EVC: variants seen among roughly 807,000 people sequenced by gnomAD.
EVC encodes EvC ciliary complex subunit 1.
In EVC, 116 loss-of-function variants were observed where a neutral mutation model predicts 118.9. The ratio of observed to expected loss-of-function variants is 0.98; its 90% CI spans 0.84 to 1.14. The LOEUF (loss-of-function observed/expected upper bound fraction) is 1.14, where lower values mean the gene tolerates loss of function less well. EVC is among the 50% of genes most tolerant of loss of function. The pLI, the probability that EVC is intolerant of heterozygous loss-of-function variation, is 0.00. For synonymous variants in EVC, 619 were observed against 534.7 expected (o/e 1.16, Z -2.18); for missense variants, 1,401 against 1,246.4 (o/e 1.12, Z -1.87).
intron 3 of EVC, among the ~76,000 whole-genome samples, chr4:5,729,708 C>G (rs1466045200): frequency 6.6e-6 from 1 of 152,198 alleles, no homozygotes; most frequent in East Asian, 1.9e-4. Context: ...ATTCACAGAG[C>G]CCTGGACTAA....
At chr4:5,825,760 C>A in the EVC span, 2 of 1,236,040 alleles carry the variant, frequency 1.6e-6, no homozygotes, top group East Asian at 2.5e-5. This position sits in a 1 kb window ranked among gnomAD's most constrained non-coding sequence, Gnocchi z 4.4. Flanking sequence ...AACCTGAGGT[C>A]ACTTCAAATG....
chr4:5,725,544 G>A (rs1365921244), intron 2 of EVC, among the ~76,000 whole-genome samples: 1 of 152,160 alleles, frequency 6.6e-6, no homozygotes, highest in East Asian at 1.9e-4. Flanking sequence ...GTCTGTTCAT[G>A]TCCTTTGCCC....
Position 5,745,073 on chromosome 4 carries a change from C to G in EVC, c.802-131C>G, listed in dbSNP as rs1195062280. ...GTCAAACCTCATGTACAACAACCCC[C>G]AGAGCATTTAACTATTGTTTAAAAA... On this transcript the variant is annotated intron_variant, in intron 6 of 20. Transcript: ENST00000264956. The G allele has an allele frequency of 3.5e-6, 3 of 864,960 alleles. No homozygotes were observed. The African/African-American group carries it at 5.2e-5, about 15-fold the overall frequency. 53.6% of individuals were successfully genotyped at this position (864,960 alleles called of 1,614,324 possible). A position where few individuals can be genotyped will look rare whatever the true frequency, so the allele number is the denominator to read the frequency against.
rs1726774713 is a variant in EVC at position 5,731,312 on chromosome 4, C to T, written c.385-113C>T. On this transcript the variant is annotated intron_variant, in intron 3 of 20. Transcript: ENST00000264956. This position sits in a 1 kb window ranked among gnomAD's most constrained non-coding sequence, Gnocchi z 5.6. ...CTGCTGGCACCCTGGCCAGTCTCCT[C>T]CAGGCAGACCTTCCTGTGAGCGGCT... 2 of 966,056 alleles carry T rather than the reference C, an allele frequency of 2.1e-6. No homozygotes were observed. The highest frequency in any genetic ancestry group is 3.4e-6 in the Non-Finnish European group (2 of 591,822). 59.8% of individuals were successfully genotyped at this position (966,056 alleles called of 1,614,324 possible).
chr4:5,807,787 A>G (rs1577661225), intron 17 of EVC, among the ~76,000 whole-genome samples: 1 of 152,200 alleles, frequency 6.6e-6, no homozygotes, highest in East Asian at 1.9e-4. Flanking sequence ...TGGTCCTTTC[A>G]GGAGAATGCT....
chr4:5,751,455 C>T (rs1730354891), intron 8 of EVC, among the ~76,000 whole-genome samples: 1 of 152,250 alleles, frequency 6.6e-6, no homozygotes, highest in Non-Finnish European at 1.5e-5. Context: ...TTCCCGCGGC[C>T]CACCTGGCAC....
chr4:5,727,566 C>CTT (rs1726066061), intron 2 of EVC, among the ~76,000 whole-genome samples: 1 of 152,016 alleles, frequency 6.6e-6, no homozygotes, highest in Non-Finnish European at 1.5e-5. Flanking sequence ...TGCAGAAGCT[C>CTT]TTTAGTTTAA....
At chr4:5,825,203 G>A in the EVC span, 1 of 985,214 alleles carries the variant, frequency 1.0e-6, no homozygotes, top group Non-Finnish European at 1.2e-6. This position sits in a 1 kb window ranked among gnomAD's most constrained non-coding sequence, Gnocchi z 4.4. Flanking sequence ...GAGTGTGAAA[G>A]TGTCCCCAAA....
chr4:5,713,462 G>A (rs1723380857), intron 1 of EVC, among the ~76,000 whole-genome samples: 1 of 152,154 alleles, frequency 6.6e-6, no homozygotes, highest in Non-Finnish European at 1.5e-5. Flanking sequence ...CTGTTCAACT[G>A]AGGTCAGGAG....
chr4:5,805,370 T>C (rs1715696063), intron 17 of EVC, among the ~76,000 whole-genome samples: 1 of 152,178 alleles, frequency 6.6e-6, no homozygotes, highest in Non-Finnish European at 1.5e-5. Context: ...TCCTGGCTTC[T>C]CTGTGCCTCA....
Position 5,809,527 on chromosome 4 carries a change from C to G in EVC, c.2698C>G (p.Gln900Glu), listed in dbSNP as rs1039706882. 2 of 1,614,072 alleles carry G rather than the reference C, an allele frequency of 1.2e-6. No homozygotes were observed. Among genetic ancestry groups the G allele is most frequent in the Non-Finnish European group, 1.7e-6 (2 of 1,180,034 alleles). ...TCTGCTTGCATTTCAGGAAGCTGAA[C>G]AGAACTTCATCTCCGAGCTGGCAGC... ...QLETQLQEAE[Q>E]NFISELAALA... The change falls in exon 19 of 21, where the codon CAG (glutamine) becomes GAG (glutamate). Residue 900 changes from glutamine (Q) to glutamate (E), a missense_variant. Physicochemically the swap from Gln to Glu is conservative, Grantham distance 29. Transcript: ENST00000264956.
chr4:5,809,243 G>A (rs1459669313), intron 18 of EVC, among the ~76,000 whole-genome samples: 2 of 152,198 alleles, frequency 1.3e-5, no homozygotes, highest in Admixed American at 1.3e-4. Context: ...GCTCCGGGCA[G>A]GTCACTGAGG....
rs1272190443 is a variant in EVC at position 5,755,821 on chromosome 4, G to A, written c.1465-443G>A. On this transcript the variant is annotated intron_variant, in intron 10 of 20. Coordinates refer to ENST00000264956, the MANE Select transcript of EVC (RefSeq NM_153717.3). The surrounding 1 kb of genome is among the most constrained non-coding windows in gnomAD (Gnocchi z 4.1). ...CCCAGTCTCCTGCTGCTCTGCTGGG[G>A]TCCTCAGGGAAGGGCCTCCACCCCG... Among the ~76,000 whole-genome samples, 1 of 152,164 alleles carries A rather than the reference G, an allele frequency of 6.6e-6. No individual in the cohort carries two copies. Among genetic ancestry groups the A allele is most frequent in the Non-Finnish European group, 1.5e-5 (1 of 68,036 alleles).
At chr4:5,807,270 T>C (rs1716066222) in intron 17 of EVC, among the ~76,000 whole-genome samples, 1 of 151,270 alleles carries the variant, frequency 6.6e-6, no homozygotes, top group African/African-American at 2.4e-5. Flanking sequence ...AGGAATGGAG[T>C]GAGAGGTGGA....
chr4:5,756,113 C>T lies in EVC; in HGVS notation c.1465-151C>T. On this transcript the variant is annotated intron_variant, in intron 10 of 20. Transcript: ENST00000264956. This position sits in a 1 kb window ranked among gnomAD's most constrained non-coding sequence, Gnocchi z 4.2. ...GGCATCAGCTGTGAAAGCCATGTGACAGCCCCATGCCTCAGTTTCCTTGTG... is the reference window on the plus strand; with the variant it reads ...GGCATCAGCTGTGAAAGCCATGTGATAGCCCCATGCCTCAGTTTCCTTGTG... 1.5e-6 allele frequency: 1 copy of T among 671,070 alleles called. No homozygotes were observed. Among genetic ancestry groups the T allele is most frequent in the Non-Finnish European group, 2.6e-6 (1 of 377,394 alleles). The allele number at this position is 671,070 out of a possible 1,614,324, so 41.6% of individuals were successfully genotyped here.
chr4:5,761,603 C>T (rs56414097), intron 11 of EVC, among the ~76,000 whole-genome samples: 57,070 of 151,216 alleles, frequency 0.38, 11,267 homozygotes, highest in Admixed American at 0.47. Flanking sequence ...TAAGATCAGG[C>T]GAACATTTGA....
chr4:5,734,656 CAAAA>C (rs1296393263), intron 5 of EVC, among the ~76,000 whole-genome samples: 4 of 152,008 alleles, frequency 2.6e-5, no homozygotes, highest in Non-Finnish European at 4.4e-5. Flanking sequence ...CATCCTGTCT[CAAAA>C]AACAAAAAAC....
chr4:5,820,659 C>T, the EVC span: 5 of 152,174 alleles, frequency 3.3e-5, no homozygotes, highest in Admixed American at 3.3e-4. Flanking sequence ...CCCACATCCA[C>T]CAGTCTCTAC....
At chr4:5,772,773 C>G (rs1560382008) in intron 11 of EVC, among the ~76,000 whole-genome samples, 1 of 152,150 alleles carries the variant, frequency 6.6e-6, no homozygotes, top group Non-Finnish European at 1.5e-5. Context: ...CCCTGACTTC[C>G]AGCTGACCTC....
Sources: gnomAD v4.1 joint callset for allele counts (sites outside exome capture counted in the v4.1 genomes callset) on GRCh38, gnomAD v4.1.1 for gene constraint, Gnocchi (gnomAD v3.1) non-coding constraint, MANE v1.5 for transcripts, NCBI Gene and HGNC (gene_info 2026-07-23, HGNC 2026-07-21) for gene names.